The following USP42 variants were observed in gnomAD, a reference collection of about 807,000 sequenced individuals.
The protein encoded by USP42 is ubiquitin specific peptidase 42.
USP42 carries 23 observed loss-of-function variants against 113.0 expected under a neutral mutation model. The ratio of observed to expected loss-of-function variants is 0.20; its 90% CI spans 0.15 to 0.29. The LOEUF (loss-of-function observed/expected upper bound fraction) is 0.29, where lower values mean the gene tolerates loss of function less well. USP42 is among the 10% of genes least tolerant of loss of function. The probability of loss-of-function intolerance (pLI) is 1.00; values close to 1 mark genes in which losing one functional copy is unlikely to be tolerated. For missense variants in USP42, 2,174 were observed against 1,779.8 expected, an observed-to-expected ratio of 1.22 and a Z score of -3.99; for synonymous variants, 933 against 699.0, an observed-to-expected ratio of 1.33 and a Z score of -5.28.
intron 1 of USP42, among the ~76,000 whole-genome samples, chr7:6,110,799 A>T (rs1779559092): frequency 6.6e-6 from 1 of 152,204 alleles, no homozygotes; most frequent in African/African-American, 2.4e-5. Context: ...TTAGTAAATA[A>T]ACAGAACTGA....
At chr7:6,108,847 C>T (rs1779437639) in intron 1 of USP42, among the ~76,000 whole-genome samples, 2 of 152,208 alleles carry the variant, frequency 1.3e-5, no homozygotes, top group Admixed American at 6.5e-5. Context: ...AAATGATATA[C>T]TGTATGTTAA....
upstream of USP42, among the ~76,000 whole-genome samples, chr7:6,102,068 A>T (rs531590756): frequency 1.2e-3 from 182 of 150,374 alleles, 10 homozygotes; most frequent in African/African-American, 4.4e-3. Context: ...AATTCACAAA[A>T]AATACCTTTT....
At chr7:6,088,652 C>T in the USP42 span, 3 of 151,318 alleles carry the variant, frequency 2.0e-5, no homozygotes, top group Non-Finnish European at 4.4e-5. Context: ...CCAGTGATAG[C>T]GTCTCATCAT....
chr7:6,093,411 G>A, the USP42 span, among the ~76,000 whole-genome samples: 2 of 150,104 alleles, frequency 1.3e-5, no homozygotes, highest in South Asian at 4.1e-4. Context: ...TCAGATTCCC[G>A]AGTAACTGGG....
chr7:6,153,475 A>G (rs574889954), intron 14 of USP42, among the ~76,000 whole-genome samples: 3 of 152,224 alleles, frequency 2.0e-5, no homozygotes, highest in Non-Finnish European at 4.4e-5. Flanking sequence ...CAGAGATAGT[A>G]GTACTAGCCT....
chr7:6,159,426 T>C lies in USP42; in HGVS notation c.3944-24T>C. Reference sequence around the variant, plus strand: ...CGATTTTGCAACCATCATTAAAATCTCTTTCCTGACCTTTGCTTTCTAGGT... The same window carrying C: ...CGATTTTGCAACCATCATTAAAATCCCTTTCCTGACCTTTGCTTTCTAGGT... On this transcript the variant is annotated intron_variant, in intron 16 of 17. Transcript: ENST00000306177. The surrounding 1 kb of genome is among the most constrained non-coding windows in gnomAD (Gnocchi z 4.1). 3.1e-6 allele frequency: 5 copies of C among 1,613,900 alleles called. No individual in the cohort carries two copies. Among genetic ancestry groups the C allele is most frequent in the Non-Finnish European group, 4.2e-6 (5 of 1,179,860 alleles).
the USP42 span, among the ~76,000 whole-genome samples, chr7:6,087,482 G>C: frequency 6.7e-6 from 1 of 149,558 alleles, no homozygotes; most frequent in Non-Finnish European, 1.5e-5. Context: ...GACTACATGT[G>C]GATGCCACTG....
chr7:6,133,603 C>T (rs918016617), intron 3 of USP42, among the ~76,000 whole-genome samples: 4 of 151,112 alleles, frequency 2.6e-5, no homozygotes, highest in Non-Finnish European at 5.9e-5. Context: ...CAGCCTCCAA[C>T]TGCTGGGCTC....
At chr7:6,141,507 T>A (rs1363430334) in intron 7 of USP42, among the ~76,000 whole-genome samples, 1 of 152,106 alleles carries the variant, frequency 6.6e-6, no homozygotes, top group African/African-American at 2.4e-5. Flanking sequence ...GAATTTTCAT[T>A]TAATATCTTA....
chr7:6,124,471 G>A (rs1208999046), intron 3 of USP42, among the ~76,000 whole-genome samples: 2 of 151,428 alleles, frequency 1.3e-5, no homozygotes. Flanking sequence ...TCACCATATT[G>A]GCCAGGCTGG....
At chr7:6,121,083 G>A (rs991325474) in intron 3 of USP42, among the ~76,000 whole-genome samples, 5 of 151,396 alleles carry the variant, frequency 3.3e-5, no homozygotes, top group South Asian at 2.1e-4. Flanking sequence ...TATGTGATAC[G>A]TGAATAAAGA....
chr7:6,110,285 T>A (rs1779526906), intron 1 of USP42, among the ~76,000 whole-genome samples: 1 of 152,160 alleles, frequency 6.6e-6, no homozygotes, highest in South Asian at 2.1e-4. Flanking sequence ...CAGTCCCAGT[T>A]GCTGACTGGT....
the USP42 span, among the ~76,000 whole-genome samples, chr7:6,099,905 G>C: frequency 6.7e-6 from 1 of 149,718 alleles, no homozygotes; most frequent in African/African-American, 2.5e-5. Context: ...GGAGGTTGCA[G>C]TTAGCCAAGA....
intron 3 of USP42, chr7:6,116,583 G>C: frequency 3.0e-6 from 1 of 334,370 alleles, no homozygotes; most frequent in South Asian, 2.5e-5. Flanking sequence ...TTTTTGAATA[G>C]TTCTTTACTT....
chr7:6,096,646 C>T, the USP42 span, among the ~76,000 whole-genome samples: 948 of 151,416 alleles, frequency 6.3e-3, 8 homozygotes, highest in Non-Finnish European at 9.4e-3. Flanking sequence ...GTGAAACAGG[C>T]TGATTGCACA....
the USP42 span, among the ~76,000 whole-genome samples, chr7:6,082,351 A>G: frequency 8.1e-3 from 1,237 of 152,014 alleles, 12 homozygotes; most frequent in African/African-American, 0.028. Context: ...GATGGTCTCG[A>G]TCTCCTGACC....
At position 6,161,383 on chromosome 7, in the gene USP42, G is replaced by T. The variant is rs933412525; in HGVS notation, c.*865G>T. 6.6e-6 allele frequency: 1 copy of T among 152,568 alleles called. No individual in the cohort carries two copies. The highest frequency in any genetic ancestry group is 1.5e-5 in the Non-Finnish European group (1 of 68,028). The allele number at this position is 152,568 out of a possible 1,614,324, so 9.5% of individuals were successfully genotyped here. On this transcript the variant is annotated 3_prime_UTR_variant, in exon 18 of 18. Transcript: ENST00000306177. ...CACTGGTCCTGCATCAGGAGATGGA[G>T]TGGGGAAAACTGTATTTAATACAGT...
rs563536781 is a variant in USP42 at position 6,126,062 on chromosome 7, A to G, written c.443-9779A>G. On this transcript the variant is annotated intron_variant, in intron 3 of 17. Transcript: ENST00000306177. ...AGAACCCAGCATGTTTCCCTTTCCAAGCCCACTTGTGTCCCTGCCTTCCCC... is the reference window on the plus strand; with the variant it reads ...AGAACCCAGCATGTTTCCCTTTCCAGGCCCACTTGTGTCCCTGCCTTCCCC... Among the ~76,000 whole-genome samples, 73 of 152,134 alleles carry G rather than the reference A, an allele frequency of 4.8e-4. No individual in the cohort carries two copies. In the South Asian group the frequency reaches 0.014, roughly 30 times the overall value.
the USP42 span, chr7:6,085,325 C>T: frequency 1.3e-5 from 2 of 149,964 alleles, no homozygotes; most frequent in Non-Finnish European, 2.9e-5. Flanking sequence ...TGGGGTTTCA[C>T]CACTTTGGCC....
Sources: allele counts gnomAD v4.1 joint callset (sites outside exome capture counted in the v4.1 genomes callset), GRCh38; gene constraint gnomAD v4.1.1; non-coding constraint Gnocchi (gnomAD v3.1); transcripts MANE v1.5; gene names NCBI Gene and HGNC (gene_info 2026-07-23, HGNC 2026-07-21).